Variants in CHN1 observed in about 807,000 individuals in gnomAD.
The protein encoded by CHN1 is chimerin 1.
A neutral mutation model predicts 59.5 loss-of-function variants in CHN1; 37 were observed. The ratio of observed to expected loss-of-function variants is 0.62; its 90% CI spans 0.48 to 0.82. CHN1 has a LOEUF of 0.82. CHN1 is among the 40% of genes least tolerant of loss of function. The probability of loss-of-function intolerance (pLI) is 0.00; values close to 1 mark genes in which losing one functional copy is unlikely to be tolerated. For synonymous variants in CHN1, 206 were observed against 200.4 expected, an observed-to-expected ratio of 1.03 and a Z score of -0.24; for missense variants, 469 against 571.0, an observed-to-expected ratio of 0.82 and a Z score of 1.82.
At chr2:174,982,497 G>C (rs185152284) in intron 1 of CHN1, among the ~76,000 whole-genome samples, 43 of 152,300 alleles carry the variant, frequency 2.8e-4, no homozygotes, top group African/African-American at 1.0e-3. Flanking sequence ...ATTCTAACTG[G>C]TGTGAGATGG....
intron 8 of CHN1, among the ~76,000 whole-genome samples, chr2:174,816,874 T>C (rs895730303): frequency 1.3e-5 from 2 of 152,140 alleles, no homozygotes; most frequent in African/African-American, 4.8e-5. Flanking sequence ...TACCTCATAC[T>C]TTAAGTGTAA....
intron 7 of CHN1, among the ~76,000 whole-genome samples, chr2:174,833,458 G>A (rs763265488): frequency 1.3e-5 from 2 of 151,970 alleles, no homozygotes; most frequent in Non-Finnish European, 2.9e-5. Context: ...TGAAGATGTC[G>A]CTCCACTGTC....
At chr2:174,973,908 G>A (rs1177665203) in intron 1 of CHN1, among the ~76,000 whole-genome samples, 1 of 152,170 alleles carries the variant, frequency 6.6e-6, no homozygotes, top group East Asian at 1.9e-4. Flanking sequence ...AAATATAGAT[G>A]TAACTAGAAA....
Position 175,004,207 on chromosome 2 carries a change from G to GA in CHN1, c.19+686dup, listed in dbSNP as rs555690279. On this transcript the variant is annotated intron_variant, in intron 1 of 12. Transcript: ENST00000409900. ...CCAACCCATTGTCATTGCAGACTGAGAAAAAAACAGCTTGAAGTCTTAACC... is the reference window on the plus strand; with the variant it reads ...CCAACCCATTGTCATTGCAGACTGAGAAAAAAAACAGCTTGAAGTCTTAACC... Among the ~76,000 whole-genome samples the GA allele has an allele frequency of 1.1e-4, 16 of 152,152 alleles. No homozygotes were observed. The South Asian group carries it at 3.1e-3, about 30-fold the overall frequency.
chr2:174,853,875 T>G (rs144826409), intron 6 of CHN1, among the ~76,000 whole-genome samples: 1 of 152,096 alleles, frequency 6.6e-6, no homozygotes, highest in African/African-American at 2.4e-5. Flanking sequence ...CTCACTTACA[T>G]GCAGAAGTTA....
chr2:174,945,014 ACCTG>A, intron 2 of CHN1, 71 bp from the exon 3 acceptor site: 3 of 1,126,076 alleles, frequency 2.7e-6, no homozygotes, highest in Non-Finnish European at 3.9e-6. Context: ...AGAAATAAAA[ACCTG>A]GCTGCTTTTT....
intron 3 of CHN1, among the ~76,000 whole-genome samples, chr2:174,944,096 A>G (rs1189423402): frequency 1.3e-5 from 2 of 152,206 alleles, no homozygotes; most frequent in African/African-American, 2.4e-5. Context: ...ATTCTATTCA[A>G]TCAGTCTCCT....
At chr2:174,980,352 T>C (rs2105448681) in intron 1 of CHN1, among the ~76,000 whole-genome samples, 1 of 152,324 alleles carries the variant, frequency 6.6e-6, no homozygotes, top group Middle Eastern at 3.4e-3. Context: ...CCTGCTATAA[T>C]TGCATTTGAT....
At chr2:174,947,798 TTATAACAAA>T (rs1156534522) in intron 2 of CHN1, among the ~76,000 whole-genome samples, 1 of 152,128 alleles carries the variant, frequency 6.6e-6, no homozygotes, top group African/African-American at 2.4e-5. Context: ...CTTGGATATT[TTATAACAAA>T]TATAACAAAT....
chr2:174,949,040 CAGTCTCT>C (rs758386377), intron 2 of CHN1, among the ~76,000 whole-genome samples: 1 of 152,038 alleles, frequency 6.6e-6, no homozygotes, highest in Non-Finnish European at 1.5e-5. Flanking sequence ...TTTAAAATTC[CAGTCTCT>C]ATTGATGAAG....
chr2:174,802,481 A>C (rs1325093402), intron 11 of CHN1, among the ~76,000 whole-genome samples: 1 of 152,250 alleles, frequency 6.6e-6, no homozygotes. Context: ...AGGCACTTCC[A>C]AATGTTTTGC....
intron 11 of CHN1, among the ~76,000 whole-genome samples, chr2:174,802,599 C>T (rs1407021525): frequency 1.3e-5 from 2 of 152,206 alleles, no homozygotes; most frequent in Non-Finnish European, 2.9e-5. Context: ...AAACCCAGCA[C>T]ATTCCTTTGA....
At position 174,976,126 on chromosome 2, in the gene CHN1, C is replaced by CAA. The variant is rs71031078; in HGVS notation, c.20-23926_20-23925dup. On this transcript the variant is annotated intron_variant, in intron 1 of 12. Coordinates refer to ENST00000409900, the MANE Select transcript of CHN1 (RefSeq NM_001822.7). ...GGGCCAACAGGGCAAGACTCCGTCT[C>CAA]AAAAAAAAAAAAAAAAAAAAAAAAA... Among the ~76,000 whole-genome samples the CAA allele has an allele frequency of 1.1e-3, 57 of 50,190 alleles. 2 individuals are homozygous for CAA. The highest frequency in any genetic ancestry group is 3.7e-3 in the African/African-American group (42 of 11,240). 32.9% of individuals were successfully genotyped at this position (50,190 alleles called of 152,430 possible). A position where few individuals can be genotyped will look rare whatever the true frequency, so the allele number is the denominator to read the frequency against.
chr2:174,909,675 T>A (rs1688634242), intron 5 of CHN1, among the ~76,000 whole-genome samples: 1 of 152,218 alleles, frequency 6.6e-6, no homozygotes, highest in Non-Finnish European at 1.5e-5. Flanking sequence ...AAGTCCTTCA[T>A]AACATCACTA....
intron 7 of CHN1, among the ~76,000 whole-genome samples, chr2:174,826,314 C>G (rs1028790175): frequency 6.6e-6 from 1 of 152,140 alleles, no homozygotes; most frequent in African/African-American, 2.4e-5. Context: ...GTGAATAAAA[C>G]TGGATAAAGC....
At chr2:174,847,399 G>C (rs373741726) in intron 6 of CHN1, 9 of 1,195,226 alleles carry the variant, frequency 7.5e-6, no homozygotes, top group Admixed American at 4.0e-5. Context: ...GAAATAAAAA[G>C]AAAGAGTCGA....
At chr2:174,894,573 A>T (rs1046015896) in intron 5 of CHN1, among the ~76,000 whole-genome samples, 27 of 133,954 alleles carry the variant, frequency 2.0e-4, no homozygotes, top group African/African-American at 8.1e-4. Context: ...GGTTCCTCAC[A>T]AAATTAAAAA....
intron 6 of CHN1, among the ~76,000 whole-genome samples, chr2:174,848,799 A>G (rs574596062): frequency 1.3e-5 from 2 of 152,180 alleles, no homozygotes; most frequent in Non-Finnish European, 2.9e-5. Context: ...GGCAAAATTT[A>G]TTTACATAGG....
intron 3 of CHN1, among the ~76,000 whole-genome samples, chr2:174,928,442 T>TA (rs1231652667): frequency 6.6e-6 from 1 of 152,166 alleles, no homozygotes; most frequent in Non-Finnish European, 1.5e-5. Flanking sequence ...GATATAAAAA[T>TA]AAACACGTTA....
Sources: gnomAD v4.1 joint callset for allele counts (sites outside exome capture counted in the v4.1 genomes callset) on GRCh38, gnomAD v4.1.1 for gene constraint, MANE v1.5 for transcripts, NCBI Gene and HGNC (gene_info 2026-07-23, HGNC 2026-07-21) for gene names.